SORCS3: variants seen among roughly 807,000 people sequenced by gnomAD.
SORCS3 encodes the protein VPS10 domain-containing receptor SorCS3.
Under a neutral mutation model 146.3 loss-of-function variants are expected in SORCS3, and 57 were observed. The observed-to-expected ratio is 0.39, with a 90% CI of 0.31 to 0.49. SORCS3 has a LOEUF of 0.49. SORCS3 is among the 20% of genes least tolerant of loss of function. The pLI is 0.92. For synonymous variants in SORCS3, 653 were observed against 618.5 expected (o/e 1.06, Z -0.83); for missense variants, 1,341 against 1,575.5 (o/e 0.85, Z 2.52).
At chr10:104,713,409 GTCA>G (rs2016441756) in intron 1 of SORCS3, among the ~76,000 whole-genome samples, 1 of 152,156 alleles carries the variant, frequency 6.6e-6, no homozygotes, top group African/African-American at 2.4e-5. Context: ...CTTAGCTCAT[GTCA>G]TCATGCTAGC....
intron 16 of SORCS3, among the ~76,000 whole-genome samples, chr10:105,207,139 C>T (rs1052236739): frequency 1.3e-5 from 2 of 152,094 alleles, no homozygotes; most frequent in Non-Finnish European, 2.9e-5. Flanking sequence ...CCATTATCAC[C>T]TCTGCCACTG....
chr10:105,223,081 A>T (rs2056713717), intron 19 of SORCS3, 35 bp from the exon 20 acceptor site: 3 of 1,577,166 alleles, frequency 1.9e-6, no homozygotes, highest in South Asian at 2.3e-5. Flanking sequence ...CACATCCAGA[A>T]TATAAACACT....
At chr10:105,137,478 G>A (rs147881479) in intron 7 of SORCS3, among the ~76,000 whole-genome samples, 68 of 147,906 alleles carry the variant, frequency 4.6e-4, no homozygotes, top group African/African-American at 1.6e-3. Context: ...ATTAGAGTAT[G>A]TGAATTTCAC....
At chr10:104,856,336 G>T (rs1279130050) in intron 2 of SORCS3, among the ~76,000 whole-genome samples, 1 of 149,936 alleles carries the variant, frequency 6.7e-6, no homozygotes. Flanking sequence ...TAAATTAGAG[G>T]TATATATTTA....
chr10:104,678,364 A>T (rs897709191), intron 1 of SORCS3, among the ~76,000 whole-genome samples: 1 of 152,172 alleles, frequency 6.6e-6, no homozygotes, highest in Admixed American at 6.5e-5. Context: ...CATCCCTGGC[A>T]CATAGTAAGT....
chr10:104,831,665 C>G (rs886227784), intron 1 of SORCS3, among the ~76,000 whole-genome samples: 2 of 152,202 alleles, frequency 1.3e-5, no homozygotes, highest in African/African-American at 4.8e-5. Flanking sequence ...AGGCATTTAG[C>G]TCAGGGCCAG....
chr10:105,126,962 T>C (rs1444891804), intron 7 of SORCS3, among the ~76,000 whole-genome samples: 2 of 152,130 alleles, frequency 1.3e-5, no homozygotes, highest in African/African-American at 4.8e-5. Flanking sequence ...CCCAAAGAGA[T>C]GGTGAACTCC....
intron 13 of SORCS3, among the ~76,000 whole-genome samples, chr10:105,170,626 C>T (rs1035280560): frequency 6.6e-6 from 1 of 152,162 alleles, no homozygotes; most frequent in Admixed American, 6.5e-5. Context: ...TGACAGAGAC[C>T]ATGATTTTTG....
At chr10:105,128,554 T>C (rs2055992685) in intron 7 of SORCS3, among the ~76,000 whole-genome samples, 1 of 152,180 alleles carries the variant, frequency 6.6e-6, no homozygotes, top group African/African-American at 2.4e-5. Context: ...AATTATTCTC[T>C]AAGCAGCTAT....
chr10:105,081,015 T>C (rs1375489869), intron 5 of SORCS3, among the ~76,000 whole-genome samples: 1 of 152,264 alleles, frequency 6.6e-6, no homozygotes, highest in Non-Finnish European at 1.5e-5. Flanking sequence ...GTAATGGATA[T>C]GTTAATTAAC....
At chr10:104,771,894 C>A (rs2017253803) in intron 1 of SORCS3, among the ~76,000 whole-genome samples, 1 of 151,974 alleles carries the variant, frequency 6.6e-6, no homozygotes. Flanking sequence ...TCTGAGAGCC[C>A]TAGCCTTGGC....
At chr10:104,794,783 A>G (rs1056938230) in intron 1 of SORCS3, among the ~76,000 whole-genome samples, 10 of 152,194 alleles carry the variant, frequency 6.6e-5, no homozygotes, top group Non-Finnish European at 1.2e-4. Context: ...AGCAAGATTT[A>G]GGAGGAAGCA....
chr10:104,983,408 A>G (rs982736641), intron 4 of SORCS3, among the ~76,000 whole-genome samples: 11 of 152,196 alleles, frequency 7.2e-5, no homozygotes, highest in Admixed American at 5.9e-4. Context: ...AGGGAAAATC[A>G]CATTTGCTGA....
intron 3 of SORCS3, among the ~76,000 whole-genome samples, chr10:104,945,692 T>C (rs1191100314): frequency 6.6e-6 from 1 of 152,134 alleles, no homozygotes; most frequent in Non-Finnish European, 1.5e-5. Context: ...CAAGGTTTAC[T>C]TTAAACTATT....
At chr10:105,131,603 A>G (rs2056019432) in intron 7 of SORCS3, among the ~76,000 whole-genome samples, 1 of 152,166 alleles carries the variant, frequency 6.6e-6, no homozygotes, top group Non-Finnish European at 1.5e-5. Flanking sequence ...CTGTTCTTGC[A>G]TTGTTATAAA....
At chr10:104,803,647 C>T (rs1477072642) in intron 1 of SORCS3, among the ~76,000 whole-genome samples, 1 of 152,102 alleles carries the variant, frequency 6.6e-6, no homozygotes, top group Non-Finnish European at 1.5e-5. Context: ...CCCTTATTGC[C>T]ACTCTCCCTT....
intron 16 of SORCS3, among the ~76,000 whole-genome samples, chr10:105,208,990 A>T (rs984757459): frequency 5.3e-5 from 8 of 152,046 alleles, no homozygotes; most frequent in African/African-American, 1.9e-4. Flanking sequence ...CCACCTTTCT[A>T]TGTAGAAATC....
intron 8 of SORCS3, among the ~76,000 whole-genome samples, chr10:105,146,099 C>T (rs1050186160): frequency 1.3e-5 from 2 of 152,108 alleles, no homozygotes; most frequent in East Asian, 3.9e-4. Context: ...CACAGCAACA[C>T]GGTTGCCTTT....
At chr10:104,688,349 C>CGT (rs1173907936) in intron 1 of SORCS3, among the ~76,000 whole-genome samples, 2 of 152,106 alleles carry the variant, frequency 1.3e-5, no homozygotes, top group Admixed American at 1.3e-4. Context: ...GCAGAGGCTG[C>CGT]GTGTGTGGGG....
Sources: gnomAD v4.1 joint callset for allele counts (sites outside exome capture counted in the v4.1 genomes callset) on GRCh38, gnomAD v4.1.1 for gene constraint, MANE v1.5 for transcripts, NCBI Gene and HGNC (gene_info 2026-07-23, HGNC 2026-07-21) for gene names.